PTPN14: variants seen among roughly 807,000 people sequenced by gnomAD.
The protein encoded by PTPN14 is protein tyrosine phosphatase non-receptor type 14, also known as tyrosine-protein phosphatase non-receptor type 14.
PTPN14 carries 53 observed loss-of-function variants against 126.8 expected under a neutral mutation model. That is an observed-to-expected ratio of 0.42 (90% CI 0.34 to 0.53). The LOEUF is 0.53. PTPN14 is among the 20% of genes least tolerant of loss of function. The probability of loss-of-function intolerance (pLI) is 0.08; values close to 1 mark genes in which losing one functional copy is unlikely to be tolerated. For missense variants in PTPN14, 1,257 were observed against 1,552.9 expected, an observed-to-expected ratio of 0.81 and a Z score of 3.20; for synonymous variants, 630 against 599.3, an observed-to-expected ratio of 1.05 and a Z score of -0.75.
intron 18 of PTPN14, among the ~76,000 whole-genome samples, chr1:214,360,964 T>G (rs1191704963): frequency 1.3e-5 from 2 of 152,154 alleles, no homozygotes; most frequent in East Asian, 3.9e-4. Flanking sequence ...TATGTTGCAC[T>G]TCCCCCTTTG....
At chr1:214,420,369 T>C (rs1659517532) in intron 3 of PTPN14, among the ~76,000 whole-genome samples, 1 of 152,250 alleles carries the variant, frequency 6.6e-6, no homozygotes, top group Admixed American at 6.5e-5. Context: ...CATTGATCAA[T>C]AAATACCCTA....
chr1:214,452,014 A>T (rs1660282563), intron 2 of PTPN14, 40 bp from the exon 3 acceptor site: 1 of 1,582,370 alleles, frequency 6.3e-7, no homozygotes, highest in South Asian at 1.2e-5. Flanking sequence ...CATGCTCACC[A>T]CAAGCATCCC....
intron 6 of PTPN14, 38 bp downstream of exon 6, chr1:214,402,845 T>A: frequency 6.2e-7 from 1 of 1,602,446 alleles, no homozygotes; most frequent in Non-Finnish European, 8.5e-7. Context: ...TGTAAACATC[T>A]GTTGTGCAGG....
intron 15 of PTPN14, among the ~76,000 whole-genome samples, chr1:214,373,603 ACAC>A (rs971352982): frequency 7.9e-6 from 1 of 125,860 alleles, no homozygotes; most frequent in Admixed American, 8.1e-5. Flanking sequence ...ACACACACAC[ACAC>A]ACCTGGTCAT....
At chr1:214,439,504 T>C (rs1221877032) in intron 3 of PTPN14, among the ~76,000 whole-genome samples, 1 of 152,218 alleles carries the variant, frequency 6.6e-6, no homozygotes, top group Non-Finnish European at 1.5e-5. Flanking sequence ...TGGGATTTGC[T>C]CTGAATAACG....
chr1:214,366,007 A>C (rs566342893), intron 17 of PTPN14, among the ~76,000 whole-genome samples: 2 of 152,310 alleles, frequency 1.3e-5, no homozygotes, highest in South Asian at 4.1e-4. Context: ...TCTACTAAAA[A>C]TACAAAAATC....
intron 1 of PTPN14, among the ~76,000 whole-genome samples, chr1:214,492,258 C>G (rs1048558896): frequency 6.6e-6 from 1 of 151,888 alleles, no homozygotes; most frequent in Non-Finnish European, 1.5e-5. Flanking sequence ...CCCCAAAAGG[C>G]AGAAGAAATA....
chr1:214,537,241 G>C (rs1158397430), intron 1 of PTPN14, among the ~76,000 whole-genome samples: 1 of 152,160 alleles, frequency 6.6e-6, no homozygotes, highest in Non-Finnish European at 1.5e-5. Flanking sequence ...TTCACTGCTA[G>C]GGAAAATAAT....
intron 11 of PTPN14, among the ~76,000 whole-genome samples, chr1:214,390,481 T>A (rs896631313): frequency 5.9e-5 from 9 of 152,328 alleles, no homozygotes; most frequent in Middle Eastern, 3.4e-3. Flanking sequence ...TGATTTTTTT[T>A]AAAAGGCCTA....
At chr1:214,461,291 G>A (rs1396872716) in intron 2 of PTPN14, among the ~76,000 whole-genome samples, 4 of 151,970 alleles carry the variant, frequency 2.6e-5, no homozygotes, top group Non-Finnish European at 5.9e-5. Flanking sequence ...ACTTCTAATG[G>A]CAAAGCCAAA....
intron 1 of PTPN14, among the ~76,000 whole-genome samples, chr1:214,484,346 A>G (rs1661065772): frequency 6.6e-6 from 1 of 152,226 alleles, no homozygotes; most frequent in African/African-American, 2.4e-5. Context: ...CAAGGCTGCA[A>G]TGAGCCATGA....
intron 1 of PTPN14, among the ~76,000 whole-genome samples, chr1:214,496,176 C>T (rs1425681628): frequency 6.6e-6 from 1 of 152,126 alleles, no homozygotes; most frequent in African/African-American, 2.4e-5. Context: ...AACAAAAATA[C>T]TTTTGCTCTG....
At chr1:214,422,298 A>G (rs1355141179) in intron 3 of PTPN14, among the ~76,000 whole-genome samples, 1 of 152,192 alleles carries the variant, frequency 6.6e-6, no homozygotes. Flanking sequence ...ACCATGCAGC[A>G]AAGAAAGAAC....
intron 1 of PTPN14, chr1:214,532,652 C>T: frequency 1.2e-6 from 1 of 864,354 alleles, no homozygotes; most frequent in South Asian, 1.3e-5. Flanking sequence ...ACTGACAATG[C>T]CCATCTTGCT....
intron 11 of PTPN14, among the ~76,000 whole-genome samples, chr1:214,387,886 G>A (rs938690786): frequency 6.6e-6 from 1 of 152,032 alleles, no homozygotes; most frequent in Non-Finnish European, 1.5e-5. Context: ...AGCCCAGGGT[G>A]AATCTATTTA....
chr1:214,459,897 G>C (rs1660470639), intron 2 of PTPN14, among the ~76,000 whole-genome samples: 1 of 152,182 alleles, frequency 6.6e-6, no homozygotes, highest in African/African-American at 2.4e-5. Flanking sequence ...TCCCCACATA[G>C]TTCAAAAGAG....
At chr1:214,533,753 C>G (rs1444397293) in intron 1 of PTPN14, among the ~76,000 whole-genome samples, 1 of 150,476 alleles carries the variant, frequency 6.6e-6, no homozygotes, top group South Asian at 2.1e-4. Context: ...GGGAGAATGG[C>G]GTGAACCCGG....
chr1:214,477,488 C>T (rs1438253014), intron 1 of PTPN14, among the ~76,000 whole-genome samples: 1 of 152,168 alleles, frequency 6.6e-6, no homozygotes, highest in East Asian at 1.9e-4. Context: ...TTATGTTGTA[C>T]TAAGTAGCTC....
At chr1:214,512,836 G>A (rs968582122) in intron 1 of PTPN14, among the ~76,000 whole-genome samples, 2 of 151,962 alleles carry the variant, frequency 1.3e-5, no homozygotes, top group East Asian at 1.9e-4. Context: ...GACCACAGGC[G>A]CACATCATCA....
Sources: allele counts gnomAD v4.1 joint callset (sites outside exome capture counted in the v4.1 genomes callset), GRCh38; gene constraint gnomAD v4.1.1; transcripts MANE v1.5; gene names NCBI Gene and HGNC (gene_info 2026-07-23, HGNC 2026-07-21).